Variants in PTPN23 observed in about 807,000 individuals in gnomAD.
The protein encoded by PTPN23 is protein tyrosine phosphatase non-receptor type 23, also known as tyrosine-protein phosphatase non-receptor type 23.
PTPN23 carries 72 observed loss-of-function variants against 156.3 expected under a neutral mutation model. The observed-to-expected ratio is 0.46, with a 90% CI of 0.38 to 0.56. The LOEUF is 0.56. PTPN23 is among the 20% of genes least tolerant of loss of function. The pLI, the probability that PTPN23 is intolerant of heterozygous loss-of-function variation, is 0.00. For synonymous variants in PTPN23, 957 were observed against 899.6 expected, an observed-to-expected ratio of 1.06 and a Z score of -1.14; for missense variants, 1,974 against 2,171.5, an observed-to-expected ratio of 0.91 and a Z score of 1.81.
chr3:47,386,188 A>G (rs904974121), intron 1 of PTPN23, among the ~76,000 whole-genome samples: 1 of 151,632 alleles, frequency 6.6e-6, no homozygotes, highest in Admixed American at 6.6e-5. Flanking sequence ...TTTTGGAGAC[A>G]GAGTCTCGCT....
rs929825766 is a variant in PTPN23, at chr3:47,404,563, T to C, written c.160-89T>C. ...GGTGTGTGCAGTCGGCCAGCTGTGATGCATTTTCCTGGCATTTGTGAGTTA... is the reference window on the plus strand; with the variant it reads ...GGTGTGTGCAGTCGGCCAGCTGTGACGCATTTTCCTGGCATTTGTGAGTTA... On this transcript the variant is annotated intron_variant, in intron 2 of 24. Transcript: ENST00000265562. 5.8e-6 allele frequency: 9 copies of C among 1,545,804 alleles called. No individual in the cohort carries two copies. In the African/African-American group the frequency reaches 1.2e-4, roughly 21 times the overall value.
intron 2 of PTPN23, among the ~76,000 whole-genome samples, 165 bp from the exon 3 acceptor site, chr3:47,404,487 A>G (rs1010024801): frequency 3.3e-5 from 5 of 150,926 alleles, no homozygotes; most frequent in African/African-American, 1.2e-4. Flanking sequence ...GGCTTGTGGA[A>G]TGTTTTGTTG....
At position 47,413,132 on chromosome 3, in the gene PTPN23, T is replaced by G; in HGVS notation, c.4858T>G (p.Ser1620Ala). 6.2e-7 allele frequency: 1 copy of G among 1,612,822 alleles called. No individual in the cohort carries two copies. Among genetic ancestry groups the G allele is most frequent in the Non-Finnish European group, 8.5e-7 (1 of 1,179,996 alleles). Reference protein sequence around the residue: ...NGQGLRATRPSDDPLSLLDPL... With the variant: ...NGQGLRATRPADDPLSLLDPL... ...GCAAGGGCTGCGGGCCACCCGGCCC[T>G]CTGACGACCCCCTCAGCCTTCTGGA... Residue 1620 changes from serine (S) to alanine (A), a missense_variant, in exon 25 of 25, where the codon TCT (serine) becomes GCT (alanine). Around this residue, in one of 4 missense-constraint regions of PTPN23, gnomAD observed 484 missense variants for 516.0 expected, o/e 0.94. Transcript: ENST00000265562.
rs745443697 is a variant in PTPN23, at chr3:47,407,493, C to T, written c.924-12C>T. The T allele has an allele frequency of 1.2e-6, 2 of 1,613,626 alleles. No homozygotes were observed. Among genetic ancestry groups the T allele is most frequent in the Non-Finnish European group, 1.7e-6 (2 of 1,179,586 alleles). On this transcript the variant is annotated splice_polypyrimidine_tract_variant and intron_variant, in intron 11 of 24. Transcript: ENST00000265562. The surrounding 1 kb of genome is among the most constrained non-coding windows in gnomAD (Gnocchi z 4.0). ...CCCGTGACTGCCCACTCCCCCTGCT[C>T]CTGATCCCCAGGTACAATTCTGCCA...
chr3:47,398,924 C>T (rs1377543311), intron 2 of PTPN23, among the ~76,000 whole-genome samples: 1 of 152,334 alleles, frequency 6.6e-6, no homozygotes, highest in Non-Finnish European at 1.5e-5. Context: ...TGCACATGTG[C>T]AGACTTTCTC....
At position 47,413,232 on chromosome 3, in the gene PTPN23, T is replaced by G. The variant is rs758586130; in HGVS notation, c.*47T>G. ...CTTACACTACATCATCATCATCTCA[T>G]GCCCACCTGCCCACACCCAGCAGAG... is the stretch of plus-strand genomic sequence containing the variant. On this transcript the variant is annotated 3_prime_UTR_variant, in exon 25 of 25. Coordinates refer to ENST00000265562, the MANE Select transcript of PTPN23 (RefSeq NM_015466.4). The G allele has an allele frequency of 2.1e-5, 32 of 1,554,704 alleles. No homozygotes were observed. The highest frequency in any genetic ancestry group is 1.8e-5 in the Non-Finnish European group (21 of 1,145,444).
chr3:47,410,772 C>T lies in PTPN23; in HGVS notation c.2974C>T (p.Leu992=). The change falls in exon 20 of 25, where the codon CTA becomes TTA. Residue 992 remains leucine (L), a synonymous_variant. Transcript: ENST00000265562. ...CTTCCCACCCCAGGCCCCAGGACTC[C>T]TACCCCCACAATCCCCCTACCCCTA... ...HLFPPQAPGL[L]PPQSPYPYAP... 1 of 1,558,430 alleles carries T rather than the reference C, an allele frequency of 6.4e-7. No homozygotes were observed. The highest frequency in any genetic ancestry group is 8.7e-7 in the Non-Finnish European group (1 of 1,146,348).
At chr3:47,412,460 G>A in intron 23 of PTPN23, 39 bp downstream of exon 23, 1 of 1,611,630 alleles carries the variant, frequency 6.2e-7, no homozygotes, top group Non-Finnish European at 8.5e-7. Flanking sequence ...TGGGCCTTCT[G>A]TCCCAGGGTG....
chr3:47,404,898 C>A, intron 3 of PTPN23, 107 bp from the exon 4 acceptor site: 1 of 1,578,842 alleles, frequency 6.3e-7, no homozygotes. Flanking sequence ...CATATGGTCC[C>A]CCCAGGCCTC....
chr3:47,389,027 TCCACTCCCCCACC>T, intron 1 of PTPN23, among the ~76,000 whole-genome samples: 1 of 152,168 alleles, frequency 6.6e-6, no homozygotes, highest in African/African-American at 2.4e-5. Flanking sequence ...CCATTCCCAC[TCCACTCCCCCACC>T]CCACTCCCAC....
Position 47,409,708 on chromosome 3 carries a change from T to C in PTPN23, c.2003T>C (p.Leu668Pro). ...GCCTCGTATGAAGCCTATGAGGACC[T>C]GATGAAGAAGTCGCAGGAGGGCAGG... ...LVASYEAYED[L>P]MKKSQEGRDF... Residue 668 changes from leucine to proline, a missense_variant, in exon 19 of 25, where the codon CTG (leucine) becomes CCG (proline). Transcript: ENST00000265562. 6.2e-7 allele frequency: 1 copy of C among 1,608,750 alleles called. No homozygotes were observed. Among genetic ancestry groups the C allele is most frequent in the Non-Finnish European group, 8.5e-7 (1 of 1,179,816 alleles).
chr3:47,394,773 G>A (rs931877720), intron 1 of PTPN23, among the ~76,000 whole-genome samples: 6 of 152,174 alleles, frequency 3.9e-5, no homozygotes, highest in African/African-American at 1.4e-4. Context: ...AGATAAGCAT[G>A]TTTTGGTCTA....
rs1705138897 is a variant in PTPN23 at position 47,406,881 on chromosome 3, G to A, written c.807+131G>A. On this transcript the variant is annotated intron_variant, in intron 9 of 24. Transcript: ENST00000265562. The surrounding 1 kb of genome is among the most constrained non-coding windows in gnomAD (Gnocchi z 5.8). ...CTGGCCATCACCCTGCTGGAGGCCT[G>A]GTGTCTTAAGTGTTGTCCCATCTGT... is the stretch of plus-strand genomic sequence containing the variant. The A allele has an allele frequency of 7.8e-7, 1 of 1,289,322 alleles. No individual in the cohort carries two copies. The highest frequency in any genetic ancestry group is 2.5e-5 in the East Asian group (1 of 39,830). The allele number at this position is 1,289,322 out of a possible 1,614,324, so 79.9% of individuals were successfully genotyped here.
In PTPN23 at chr3:47,412,322, T is replaced by C. The variant is rs747051016; in HGVS notation, c.4218T>C (p.Tyr1406=). The change falls in exon 23 of 25, where the codon TAT becomes TAC. Residue 1406 remains tyrosine (Y), a synonymous_variant. Transcript: ENST00000265562. Reference sequence around the variant, plus strand: ...GCACGGGAGCCTTTGCACTGCTCTATGCAGCTGTGCAGGAGGTGGAGGCTG... The same window carrying C: ...GCACGGGAGCCTTTGCACTGCTCTACGCAGCTGTGCAGGAGGTGGAGGCTG... The part of the protein sequence containing the change: ...VGRTGAFALL[Y]AAVQEVEAGN... The C allele has an allele frequency of 1.9e-5, 31 of 1,613,422 alleles. No homozygotes were observed. The highest frequency in any genetic ancestry group is 3.3e-4 in the Middle Eastern group (2 of 6,062).
In PTPN23 at chr3:47,381,190, C is replaced by A; in HGVS notation, c.84+10C>A. On this transcript the variant is annotated intron_variant, in intron 1 of 24. Transcript: ENST00000265562. ...GCCAGCTGTGAAGAAGGTGAGCTTG[C>A]CTTCCATCTTCCCCCCTATCCGCCG... 1 of 1,574,960 alleles carries A rather than the reference C, an allele frequency of 6.3e-7. No individual in the cohort carries two copies. Among genetic ancestry groups the A allele is most frequent in the Non-Finnish European group, 8.6e-7 (1 of 1,160,804 alleles).
intron 2 of PTPN23, among the ~76,000 whole-genome samples, chr3:47,400,369 G>T (rs1704967813): frequency 6.6e-6 from 1 of 152,166 alleles, no homozygotes; most frequent in Non-Finnish European, 1.5e-5. Context: ...TGCTATGGGG[G>T]CATCACAGCA....
chr3:47,407,002 TG>T lies in PTPN23; in HGVS notation c.808-124del. ...GTGGCGCCACCTTGCTGCTGTTGGC[TG>T]GGGTGGTGCCCGGCTGCCTCCTGAG... On this transcript the variant is annotated intron_variant, in intron 9 of 24. Coordinates refer to ENST00000265562, the MANE Select transcript of PTPN23 (RefSeq NM_015466.4). The surrounding 1 kb of genome is among the most constrained non-coding windows in gnomAD (Gnocchi z 4.0). The T allele has an allele frequency of 2.3e-6, 3 of 1,283,274 alleles. No homozygotes were observed. The highest frequency in any genetic ancestry group is 3.3e-6 in the Non-Finnish European group (3 of 911,850). 79.5% of individuals were successfully genotyped at this position (1,283,274 alleles called of 1,614,324 possible).
rs373088928 is a variant in PTPN23 at position 47,409,193 on chromosome 3, G to A, written c.1673G>A (p.Arg558His). Reference sequence around the variant, plus strand: ...AAGGCCGTGCTGCAAAACCTAAAGCGCATCCTGGCTAAGGTGCAGGAGATG... The same window carrying A: ...AAGGCCGTGCTGCAAAACCTAAAGCACATCCTGGCTAAGGTGCAGGAGATG... ...EDKAVLQNLK[R>H]ILAKVQEMRD... The change falls in exon 17 of 25, where the codon CGC becomes CAC. Residue 558 changes from arginine to histidine, a missense_variant. Transcript: ENST00000265562. 115 of 1,614,146 alleles carry A rather than the reference G, an allele frequency of 7.1e-5. No homozygotes were observed. The highest frequency in any genetic ancestry group is 8.0e-5 in the Non-Finnish European group (94 of 1,180,018).
chr3:47,394,019 C>T (rs1353998440), intron 1 of PTPN23, among the ~76,000 whole-genome samples: 1 of 151,772 alleles, frequency 6.6e-6, no homozygotes, highest in Non-Finnish European at 1.5e-5. Flanking sequence ...GCTGGGATTA[C>T]AGACTTGAGC....
Sources: allele counts gnomAD v4.1 joint callset (sites outside exome capture counted in the v4.1 genomes callset), GRCh38; gene constraint gnomAD v4.1.1; regional missense constraint gnomAD v4.1.1; non-coding constraint Gnocchi (gnomAD v3.1); transcripts MANE v1.5; gene names NCBI Gene and HGNC (gene_info 2026-07-23, HGNC 2026-07-21).